Variants in ZNF292 observed in about 807,000 individuals in gnomAD.
The protein encoded by ZNF292 is 16 zinc-finger domain protein.
Under a neutral mutation model 217.9 loss-of-function variants are expected in ZNF292, and 26 were observed. The ratio of observed to expected loss-of-function variants is 0.12; its 90% CI spans 0.09 to 0.17. ZNF292 has a LOEUF of 0.17. Among genes scored for constraint, ZNF292 ranks in the 10% least tolerant of loss-of-function variants. The pLI, the probability that ZNF292 is intolerant of heterozygous loss-of-function variation, is 1.00. For synonymous variants in ZNF292, 1,257 were observed against 1,124.1 expected, an observed-to-expected ratio of 1.12 and a Z score of -2.37; for missense variants, 2,904 against 3,175.2, an observed-to-expected ratio of 0.91 and a Z score of 2.05.
intron 1 of ZNF292, among the ~76,000 whole-genome samples, chr6:87,209,762 A>C (rs1158637793): frequency 6.6e-6 from 1 of 152,190 alleles, no homozygotes; most frequent in African/African-American, 2.4e-5. Flanking sequence ...TGTTATTTTA[A>C]ACTTGTTTAT....
In ZNF292 at chr6:87,263,921, T is replaced by A. The variant is rs1451777637; in HGVS notation, c.*2120T>A. On this transcript the variant is annotated 3_prime_UTR_variant, in exon 8 of 8. Coordinates refer to ENST00000369577, the MANE Select transcript of ZNF292 (RefSeq NM_015021.3). Reference sequence around the variant, plus strand: ...AGTGAAAATGCCAATGTATTGGGGCTTTTCTTTTGCTCATTAGCTTAAGAA... The same window carrying A: ...AGTGAAAATGCCAATGTATTGGGGCATTTCTTTTGCTCATTAGCTTAAGAA... 2 of 152,144 alleles carry A rather than the reference T, an allele frequency of 1.3e-5. No individual in the cohort carries two copies. The highest frequency in any genetic ancestry group is 3.8e-4 in the East Asian group (2 of 5,200). 9.4% of individuals were successfully genotyped at this position (152,144 alleles called of 1,614,324 possible).
In ZNF292 at chr6:87,254,661, T is replaced by C. The variant is rs756661292; in HGVS notation, c.1032T>C (p.Ala344=). The C allele has an allele frequency of 1.2e-6, 2 of 1,604,606 alleles. No homozygotes were observed. Among genetic ancestry groups the C allele is most frequent in the Non-Finnish European group, 1.7e-6 (2 of 1,173,234 alleles). Residue 344 remains alanine (A), a synonymous_variant, in exon 8 of 8, where the codon GCT becomes GCC. Transcript: ENST00000369577. ...TTGCTTTTTCACAGACTGAAGGGGC[T>C]GGACTTGCTACCTGTATAGAACTGT... ...IKVINSETEG[A]GLATCIELCV...
chr6:87,260,170 C>A lies in ZNF292; in HGVS notation c.6541C>A (p.Arg2181=), dbSNP rs377387515. Residue 2181 remains arginine, a synonymous_variant, in exon 8 of 8, where the codon CGA becomes AGA. Transcript: ENST00000369577. ...TCGATGTCAGGTAAGTGACTGTTCT[C>A]GAATTTTCCAAGCAATTACTGGCCT... ...EFRCQVSDCS[R]IFQAITGLIQ... is the part of the protein sequence containing the mutation. 5 of 1,612,758 alleles carry A rather than the reference C, an allele frequency of 3.1e-6. No individual in the cohort carries two copies. The highest frequency in any genetic ancestry group is 4.2e-6 in the Non-Finnish European group (5 of 1,179,000).
intron 5 of ZNF292, among the ~76,000 whole-genome samples, chr6:87,235,428 G>A (rs1773855964): frequency 6.6e-6 from 1 of 152,084 alleles, no homozygotes; most frequent in Admixed American, 6.6e-5. Context: ...TGGGGGAGGT[G>A]GGATTTAAAG....
At chr6:87,228,106 T>C (rs972931577) in intron 4 of ZNF292, among the ~76,000 whole-genome samples, 2 of 152,154 alleles carry the variant, frequency 1.3e-5, no homozygotes, top group African/African-American at 4.8e-5. Context: ...CCAACACTTG[T>C]TTTCTGTTTT....
At chr6:87,243,027 T>C (rs909349124) in intron 5 of ZNF292, among the ~76,000 whole-genome samples, 1 of 152,048 alleles carries the variant, frequency 6.6e-6, no homozygotes, top group Admixed American at 6.6e-5. Context: ...AGTTTATTAG[T>C]CTATACCCAG....
At chr6:87,242,004 A>G (rs995364148) in intron 5 of ZNF292, among the ~76,000 whole-genome samples, 1 of 152,228 alleles carries the variant, frequency 6.6e-6, no homozygotes, top group Non-Finnish European at 1.5e-5. Context: ...TAGCCCCATC[A>G]TAAGTCGCAG....
Position 87,254,706 on chromosome 6 carries a change from G to A in ZNF292, c.1077G>A (p.Leu359=). 1 of 1,613,902 alleles carries A rather than the reference G, an allele frequency of 6.2e-7. No homozygotes were observed. Among genetic ancestry groups the A allele is most frequent in the East Asian group, 2.2e-5 (1 of 44,870 alleles). The part of the protein sequence containing the change: ...CIELCVKALR[L]ESTENTEVKI... ...AACTGTGTGTAAAGGCTCTTCGCTT[G>A]GAGTCTACAGAAAATACTGAAGTGA... The change falls in exon 8 of 8, where the codon TTG becomes TTA. Residue 359 remains leucine, a synonymous_variant. Coordinates refer to ENST00000369577, the MANE Select transcript of ZNF292 (RefSeq NM_015021.3).
intron 1 of ZNF292, among the ~76,000 whole-genome samples, chr6:87,210,466 C>T (rs943068764): frequency 6.6e-6 from 1 of 151,688 alleles, no homozygotes; most frequent in Non-Finnish European, 1.5e-5. Flanking sequence ...CCCCAGAACA[C>T]ACACTATAGA....
intron 3 of ZNF292, among the ~76,000 whole-genome samples, chr6:87,218,201 CACTT>C (rs1385842286): frequency 2.6e-5 from 4 of 152,072 alleles, no homozygotes; most frequent in African/African-American, 9.7e-5. Context: ...CATAAGTTGT[CACTT>C]AGTTCGTTAT....
At chr6:87,209,346 A>T (rs1772386194) in intron 1 of ZNF292, among the ~76,000 whole-genome samples, 1 of 152,206 alleles carries the variant, frequency 6.6e-6, no homozygotes, top group Non-Finnish European at 1.5e-5. Context: ...CACTTTAAAA[A>T]AAATTACTGT....
At chr6:87,173,814 C>T (rs1180774735) in intron 1 of ZNF292, 1 of 158,386 alleles carries the variant, frequency 6.3e-6, no homozygotes, top group Non-Finnish European at 1.4e-5. Flanking sequence ...ACTTCATATT[C>T]TGGTTCATCA....
At position 87,257,111 on chromosome 6, in the gene ZNF292, T is replaced by A; in HGVS notation, c.3482T>A (p.Val1161Glu). Residue 1161 changes from valine to glutamate, a missense_variant, in exon 8 of 8, where the codon GTG becomes GAG. Physicochemically the swap from Val to Glu is moderately radical, Grantham distance 121. Around this residue, in one of 15 missense-constraint regions of ZNF292, gnomAD observed 687 missense variants for 623.0 expected, o/e 1.10. Coordinates refer to ENST00000369577, the MANE Select transcript of ZNF292 (RefSeq NM_015021.3). Reference protein sequence around the residue: ...GKFVYFLPSPVNSSNPFFTSQ... With the variant: ...GKFVYFLPSPENSSNPFFTSQ... ...TTTGTTTATTTTTTGCCATCACCGG[T>A]GAACAGCTCAAATCCATTTTTTACA... 6.2e-7 allele frequency: 1 copy of A among 1,613,864 alleles called. No individual in the cohort carries two copies. The highest frequency in any genetic ancestry group is 8.5e-7 in the Non-Finnish European group (1 of 1,179,834).
intron 4 of ZNF292, among the ~76,000 whole-genome samples, chr6:87,221,471 C>T (rs1007483953): frequency 6.6e-6 from 1 of 152,130 alleles, no homozygotes; most frequent in African/African-American, 2.4e-5. Context: ...TCTTAGCCTG[C>T]GATTAGAAAA....
intron 3 of ZNF292, among the ~76,000 whole-genome samples, chr6:87,217,639 G>A (rs1453288613): frequency 3.9e-5 from 6 of 151,964 alleles, no homozygotes; most frequent in African/African-American, 1.4e-4. Flanking sequence ...TGAAACAAAA[G>A]GACTAGTTAA....
intron 1 of ZNF292, among the ~76,000 whole-genome samples, chr6:87,197,280 A>G (rs114868364): frequency 5.6e-4 from 86 of 152,324 alleles, no homozygotes; most frequent in African/African-American, 2.0e-3. Context: ...TCTGTTTGCT[A>G]TATTCTAGCA....
In ZNF292 at chr6:87,263,204, CCTT is replaced by C. The variant is rs1170694240; in HGVS notation, c.*1405_*1407del. 2 of 151,966 alleles carry C rather than the reference CCTT, an allele frequency of 1.3e-5. No individual in the cohort carries two copies. The highest frequency in any genetic ancestry group is 4.8e-5 in the African/African-American group (2 of 41,400). The allele number at this position is 151,966 out of a possible 1,614,324, so 9.4% of individuals were successfully genotyped here. A position where few individuals can be genotyped will look rare whatever the true frequency, so the allele number is the denominator to read the frequency against. ...GAGGTTATTCCAGGAGAGTTGATGA[CCTT>C]CATTTAAAGTCCAACTAAAATCAGT... On this transcript the variant is annotated 3_prime_UTR_variant, in exon 8 of 8. Coordinates refer to ENST00000369577, the MANE Select transcript of ZNF292 (RefSeq NM_015021.3).
At chr6:87,199,496 A>C (rs1246791740) in intron 1 of ZNF292, among the ~76,000 whole-genome samples, 1 of 149,578 alleles carries the variant, frequency 6.7e-6, no homozygotes, top group Non-Finnish European at 1.5e-5. Context: ...ATTTTGATGA[A>C]TTGAAGTCCA....
chr6:87,252,901 TTTATTTTTTTATTA>T (rs548554757), intron 7 of ZNF292, among the ~76,000 whole-genome samples: 51 of 152,130 alleles, frequency 3.4e-4, no homozygotes, highest in Non-Finnish European at 6.8e-4. Flanking sequence ...CCTGTCATTT[TTTATTTTTTTATTA>T]TTATTTTTAA....
Sources: allele counts gnomAD v4.1 joint callset (sites outside exome capture counted in the v4.1 genomes callset), GRCh38; gene constraint gnomAD v4.1.1; regional missense constraint gnomAD v4.1.1; transcripts MANE v1.5; gene names NCBI Gene and HGNC (gene_info 2026-07-23, HGNC 2026-07-21).